Variants in PCLO observed in about 807,000 individuals in gnomAD.
PCLO encodes protein piccolo.
In PCLO, 82 loss-of-function variants were observed where a neutral mutation model predicts 427.5. The ratio of observed to expected loss-of-function variants is 0.19; its 90% CI spans 0.16 to 0.23. The LOEUF (loss-of-function observed/expected upper bound fraction) is 0.23. Ranked by LOEUF, PCLO falls within the 10% of genes least tolerant of loss-of-function variation. PCLO has a pLI of 1.00. For missense variants in PCLO, 6,239 were observed against 6,115.9 expected, an observed-to-expected ratio of 1.02 and a Z score of -0.67; for synonymous variants, 2,357 against 2,155.4, an observed-to-expected ratio of 1.09 and a Z score of -2.59.
chr7:82,971,953 G>T (rs1795917207), intron 3 of PCLO, among the ~76,000 whole-genome samples: 1 of 151,256 alleles, frequency 6.6e-6, no homozygotes, highest in African/African-American at 2.4e-5. Flanking sequence ...ATGGTATAAA[G>T]CAATAAAAGT....
intron 3 of PCLO, among the ~76,000 whole-genome samples, chr7:82,996,869 T>G (rs1239074262): frequency 6.6e-6 from 1 of 151,946 alleles, no homozygotes. Context: ...CTGAAAACAT[T>G]TTAATAAATA....
chr7:83,035,620 A>G (rs1468723651), intron 3 of PCLO, among the ~76,000 whole-genome samples: 1 of 152,092 alleles, frequency 6.6e-6, no homozygotes, highest in Non-Finnish European at 1.5e-5. Context: ...TTTTTTTAAA[A>G]TCCAGTCTTG....
intron 3 of PCLO, among the ~76,000 whole-genome samples, chr7:83,111,248 T>C (rs193122413): frequency 1.3e-5 from 2 of 152,358 alleles, no homozygotes; most frequent in East Asian, 3.9e-4. Context: ...CATATCTTTC[T>C]ACCCCCAAGA....
chr7:82,903,867 G>C (rs1338267407), intron 8 of PCLO, among the ~76,000 whole-genome samples: 3 of 151,892 alleles, frequency 2.0e-5, no homozygotes, highest in Admixed American at 6.6e-5. Flanking sequence ...GAAAACTCTT[G>C]TGAACTTAAT....
intron 3 of PCLO, among the ~76,000 whole-genome samples, chr7:83,026,768 G>A (rs1386103222): frequency 6.6e-6 from 1 of 151,070 alleles, no homozygotes; most frequent in Admixed American, 6.6e-5. Flanking sequence ...TCAGACCACA[G>A]TGCAATCAAA....
chr7:83,114,017 T>C (rs530024642), intron 3 of PCLO, among the ~76,000 whole-genome samples: 2 of 152,308 alleles, frequency 1.3e-5, no homozygotes, highest in South Asian at 2.1e-4. Context: ...AGACTTCTTA[T>C]GAGAGCTTAA....
chr7:83,128,753 T>C (rs759835626), intron 3 of PCLO, among the ~76,000 whole-genome samples: 1 of 152,128 alleles, frequency 6.6e-6, no homozygotes, highest in Non-Finnish European at 1.5e-5. Context: ...GGAACAACTA[T>C]GTTTTACACA....
chr7:82,769,810 T>C (rs781610770), intron 22 of PCLO, among the ~76,000 whole-genome samples: 83 of 152,138 alleles, frequency 5.5e-4, no homozygotes, highest in Admixed American at 2.6e-3. Context: ...ATAAGATGCA[T>C]ATTTAGCCAT....
At chr7:83,104,176 T>G (rs76622143) in intron 3 of PCLO, among the ~76,000 whole-genome samples, 4 of 151,376 alleles carry the variant, frequency 2.6e-5, no homozygotes, top group African/African-American at 9.7e-5. Flanking sequence ...TTTAGAAAAA[T>G]AAAGACTTTA....
At chr7:82,836,148 T>A (rs1423993375) in intron 15 of PCLO, among the ~76,000 whole-genome samples, 1 of 152,156 alleles carries the variant, frequency 6.6e-6, no homozygotes, top group Admixed American at 6.6e-5. Context: ...TTTAAGTTTG[T>A]AACATTCTAA....
intron 3 of PCLO, among the ~76,000 whole-genome samples, chr7:83,043,912 CTTTTTTTTTTTTT>C (rs869061778): frequency 5.3e-5 from 5 of 94,910 alleles, no homozygotes; most frequent in African/African-American, 8.2e-5. Context: ...CTATTATTTT[CTTTTTTTTTTTTT>C]TTTTTTTTTT....
chr7:82,931,267 G>T (rs1794834640), intron 6 of PCLO, among the ~76,000 whole-genome samples: 1 of 152,142 alleles, frequency 6.6e-6, no homozygotes, highest in East Asian at 1.9e-4. Context: ...TATAAGATTT[G>T]AATTGGGGAA....
chr7:83,155,176 G>A lies in PCLO; in HGVS notation c.1465C>T (p.Pro489Ser). The change falls in exon 2 of 25, where the codon CCC becomes TCC. Residue 489 changes from proline (P) to serine (S), a missense_variant. Pro to Ser is a moderately conservative substitution (Grantham distance 74). This residue lies in a region of PCLO where 4,677 missense variants were observed against 4,468.4 expected (regional missense o/e 1.05). Transcript: ENST00000333891. Reference sequence around the variant, plus strand: ...GCTGAGCCAGGCTGTTGAGGTGGGGGCTTTGCTGGGCCAGGCTGTTGAGGT... The same window carrying A: ...GCTGAGCCAGGCTGTTGAGGTGGGGACTTTGCTGGGCCAGGCTGTTGAGGT... ...PPPQQPGPAK[P>S]PPQQPGSAKP... 2 of 1,591,034 alleles carry A rather than the reference G, an allele frequency of 1.3e-6. No individual in the cohort carries two copies. Among genetic ancestry groups the A allele is most frequent in the South Asian group, 2.2e-5 (2 of 89,988 alleles).
intron 17 of PCLO, among the ~76,000 whole-genome samples, chr7:82,827,418 C>T (rs1030006333): frequency 6.6e-6 from 1 of 151,990 alleles, no homozygotes; most frequent in Non-Finnish European, 1.5e-5. Context: ...ATGCCAGATT[C>T]TTAGGAGGCC....
intron 3 of PCLO, among the ~76,000 whole-genome samples, chr7:83,087,149 C>T (rs868512695): frequency 6.6e-6 from 1 of 151,446 alleles, no homozygotes; most frequent in Non-Finnish European, 1.5e-5. Flanking sequence ...TGCAGCATAC[C>T]AACATGGCAC....
intron 3 of PCLO, among the ~76,000 whole-genome samples, chr7:83,107,407 T>G (rs1274152486): frequency 6.6e-6 from 1 of 152,142 alleles, no homozygotes; most frequent in Non-Finnish European, 1.5e-5. Context: ...ATGTACAAAC[T>G]ACAATAACAT....
intron 3 of PCLO, among the ~76,000 whole-genome samples, chr7:83,106,545 T>G (rs1790861344): frequency 6.6e-6 from 1 of 152,210 alleles, no homozygotes; most frequent in South Asian, 2.1e-4. Flanking sequence ...ATTAGCCATT[T>G]TTATGTGTTT....
intron 3 of PCLO, among the ~76,000 whole-genome samples, chr7:83,013,716 A>G (rs1390341843): frequency 6.6e-6 from 1 of 152,238 alleles, no homozygotes; most frequent in Non-Finnish European, 1.5e-5. Context: ...ATATATGGAA[A>G]TGTAACTTCT....
At chr7:82,807,629 G>A (rs1049767245) in intron 20 of PCLO, among the ~76,000 whole-genome samples, 2 of 151,886 alleles carry the variant, frequency 1.3e-5, no homozygotes, top group Non-Finnish European at 1.5e-5. Context: ...CAATTTCGTC[G>A]GTAGCAGGTT....
Sources: gnomAD v4.1 joint callset for allele counts (sites outside exome capture counted in the v4.1 genomes callset) on GRCh38, gnomAD v4.1.1 for gene constraint, gnomAD v4.1.1 regional missense constraint, MANE v1.5 for transcripts, NCBI Gene and HGNC (gene_info 2026-07-23, HGNC 2026-07-21) for gene names.